SUPT4H1: variants seen among roughly 807,000 people sequenced by gnomAD.
SUPT4H1 encodes transcription elongation factor SPT4.
SUPT4H1 carries 12 observed loss-of-function variants against 19.4 expected under a neutral mutation model. The ratio of observed to expected loss-of-function variants is 0.62; its 90% CI spans 0.40 to 1.00. The LOEUF (loss-of-function observed/expected upper bound fraction) is 1.00, where lower values mean the gene tolerates loss of function less well. SUPT4H1 is among the 50% of genes least tolerant of loss of function. The pLI is 0.00. For missense variants in SUPT4H1, 115 were observed against 149.2 expected (o/e 0.77, Z 1.19); for synonymous variants, 58 against 56.3 (o/e 1.03, Z -0.14).
intron 1 of SUPT4H1, chr17:58,351,709 TC>T: frequency 1.7e-6 from 1 of 579,162 alleles, no homozygotes; most frequent in Non-Finnish European, 3.1e-6. Context: ...CGTTCCCAAT[TC>T]CGTTTTATCT....
chr17:58,348,934 A>ATCTTT (rs1972390396), intron 2 of SUPT4H1, among the ~76,000 whole-genome samples: 1 of 152,254 alleles, frequency 6.6e-6, no homozygotes, highest in African/African-American at 2.4e-5. Context: ...GGCCTTGAAT[A>ATCTTT]GGCATTTCTC....
At chr17:58,347,952 CA>C (rs1010227602) in intron 2 of SUPT4H1, among the ~76,000 whole-genome samples, 1 of 152,188 alleles carries the variant, frequency 6.6e-6, no homozygotes, top group Non-Finnish European at 1.5e-5. Flanking sequence ...TGAGTGAAAA[CA>C]ACGGATCCTC....
In SUPT4H1 at chr17:58,346,056, C is replaced by G; in HGVS notation, c.*190G>C. 1.8e-6 allele frequency: 1 copy of G among 561,456 alleles called. No homozygotes were observed. The highest frequency in any genetic ancestry group is 3.2e-6 in the Non-Finnish European group (1 of 312,952). 34.8% of individuals were successfully genotyped at this position (561,456 alleles called of 1,614,324 possible). A position where few individuals can be genotyped will look rare whatever the true frequency, so the allele number is the denominator to read the frequency against. ...AATTCCATCTGTTAATCCACCAACC[C>G]AAATCCCTCCCACCCCACCTGTAGT... is the stretch of plus-strand genomic sequence containing the variant. On this transcript the variant is annotated 3_prime_UTR_variant, in exon 5 of 5. Transcript: ENST00000225504.
rs761028956 is a variant in SUPT4H1 at position 58,351,473 on chromosome 17, A to G, written c.105T>C (p.Asn35=). The change falls in exon 2 of 5, where the codon AAT becomes AAC. Residue 35 remains asparagine, a synonymous_variant. Coordinates refer to ENST00000225504, the MANE Select transcript of SUPT4H1 (RefSeq NM_003168.3). ...IDQFEYDGCD[N]CDAYLQMKGN... ...CCTTCATTTGTAGATATGCATCACA[A>G]TTGTCACAACCATCATATTCAAACT... 1.9e-6 allele frequency: 3 copies of G among 1,614,080 alleles called. No individual in the cohort carries two copies. The highest frequency in any genetic ancestry group is 2.5e-6 in the Non-Finnish European group (3 of 1,179,934).
rs149143263 is a variant in SUPT4H1 at position 58,346,330 on chromosome 17, AAC to A, written c.287-19_287-18del. 1,530 of 1,612,932 alleles carry A rather than the reference AAC, an allele frequency of 9.5e-4. 17 individuals are homozygous for A. In the African/African-American group the frequency reaches 0.018, roughly 19 times the overall value. On this transcript the variant is annotated intron_variant, in intron 4 of 4. Transcript: ENST00000225504. Reference sequence around the variant, plus strand: ...GCACGATTCCTGAAGCAGGAAAAGAAACAGTTCTGTGAGGTAAGATTCAGAAG... The same window carrying A: ...GCACGATTCCTGAAGCAGGAAAAGAAAGTTCTGTGAGGTAAGATTCAGAAG...
intron 2 of SUPT4H1, 69 bp downstream of exon 2, chr17:58,351,333 C>T: frequency 9.2e-7 from 1 of 1,086,720 alleles, no homozygotes; most frequent in Non-Finnish European, 1.4e-6. Flanking sequence ...TAACACTTGC[C>T]CTGCATTTAC....
At chr17:58,348,925 G>A (rs897947673) in intron 2 of SUPT4H1, among the ~76,000 whole-genome samples, 5 of 152,152 alleles carry the variant, frequency 3.3e-5, no homozygotes, top group Non-Finnish European at 5.9e-5. Context: ...ATGAGCAAAG[G>A]CCTTGAATAG....
Position 58,345,925 on chromosome 17 carries a change from A to T in SUPT4H1, c.*321T>A. 1 of 256,578 alleles carries T rather than the reference A, an allele frequency of 3.9e-6. No homozygotes were observed. The highest frequency in any genetic ancestry group is 7.7e-6 in the Non-Finnish European group (1 of 130,358). The allele number at this position is 256,578 out of a possible 1,614,324, so 15.9% of individuals were successfully genotyped here. ...CAAGGCAGGTGTCATGGCCTTCAGA[A>T]CTTTCTCGAGGTTCATATTTATTGA... On this transcript the variant is annotated 3_prime_UTR_variant, in exon 5 of 5. Transcript: ENST00000225504.
At chr17:58,346,808 G>C (rs933859662) in intron 4 of SUPT4H1, among the ~76,000 whole-genome samples, 2 of 149,192 alleles carry the variant, frequency 1.3e-5, no homozygotes, top group Admixed American at 1.3e-4. Context: ...AGAAGAAAAA[G>C]AGGGATACAT....
At position 58,345,330 on chromosome 17, in the gene SUPT4H1, C is replaced by T. The variant is rs1045066459; in HGVS notation, c.*916G>A. Reference sequence around the variant, plus strand: ...ACTTAGGGAAATCAAAATGGGGATACGAACAGGATTTCTGTGGAAATTTAA... The same window carrying T: ...ACTTAGGGAAATCAAAATGGGGATATGAACAGGATTTCTGTGGAAATTTAA... On this transcript the variant is annotated 3_prime_UTR_variant, in exon 5 of 5. Coordinates refer to ENST00000225504, the MANE Select transcript of SUPT4H1 (RefSeq NM_003168.3). 2.5e-4 allele frequency: 38 copies of T among 151,970 alleles called. No homozygotes were observed. Among genetic ancestry groups the T allele is most frequent in the African/African-American group, 8.2e-4 (34 of 41,352 alleles). 9.4% of individuals were successfully genotyped at this position (151,970 alleles called of 1,614,324 possible). A position where few individuals can be genotyped will look rare whatever the true frequency, so the allele number is the denominator to read the frequency against.
chr17:58,349,275 C>T (rs1972400772), intron 2 of SUPT4H1, among the ~76,000 whole-genome samples: 1 of 152,246 alleles, frequency 6.6e-6, no homozygotes, highest in South Asian at 2.1e-4. Context: ...AAGTGACATG[C>T]ATTCAATAGA....
At chr17:58,351,268 A>C (rs969975024) in intron 2 of SUPT4H1, 134 bp downstream of exon 2, 7 of 609,820 alleles carry the variant, frequency 1.1e-5, no homozygotes, top group Non-Finnish European at 2.0e-5. Context: ...AAAAAAAAAA[A>C]AAAAAACCCA....
chr17:58,351,684 C>T (rs905697540), intron 1 of SUPT4H1, 176 bp from the exon 2 acceptor site: 5 of 586,018 alleles, frequency 8.5e-6, no homozygotes, highest in African/African-American at 5.7e-5. Context: ...CCCACCCTCC[C>T]ACTCCTTCCT....
At chr17:58,347,504 C>T (rs372624483) in intron 3 of SUPT4H1, 25 bp downstream of exon 3, 7 of 1,614,010 alleles carry the variant, frequency 4.3e-6, no homozygotes, top group Non-Finnish European at 5.9e-6. Context: ...ACAACTAAGC[C>T]AAAAGGAGAC....
chr17:58,347,277 A>C, intron 3 of SUPT4H1, 36 bp from the exon 4 acceptor site: 3 of 1,609,304 alleles, frequency 1.9e-6, no homozygotes, highest in Non-Finnish European at 2.6e-6. Flanking sequence ...GATTACAGTG[A>C]AGTTAGTTAA....
At chr17:58,347,359 G>T in intron 3 of SUPT4H1, 118 bp from the exon 4 acceptor site, 1 of 1,352,848 alleles carries the variant, frequency 7.4e-7, no homozygotes, top group South Asian at 1.2e-5. Flanking sequence ...TCCCTCTTTT[G>T]GCTACAAGTG....
In SUPT4H1 at chr17:58,352,116, G is replaced by A. The variant is rs1404227959; in HGVS notation, c.20C>T (p.Pro7Leu). Residue 7 changes from proline to leucine, a missense_variant, in exon 1 of 5, where the codon CCG becomes CTG. By Grantham distance (98) the Pro-to-Leu change is moderately conservative. Transcript: ENST00000225504. Reference sequence around the variant, plus strand: ...GGCCCGCAGATGCCGCAGGTCCTTCGGCACCGTCTCCAGGGCCATCTTCGC... The same window carrying A: ...GGCCCGCAGATGCCGCAGGTCCTTCAGCACCGTCTCCAGGGCCATCTTCGC... MALETV[P>L]KDLRHLRACL... 3 of 1,614,124 alleles carry A rather than the reference G, an allele frequency of 1.9e-6. No homozygotes were observed. Among genetic ancestry groups the A allele is most frequent in the Middle Eastern group, 1.6e-4 (1 of 6,062 alleles).
intron 2 of SUPT4H1, among the ~76,000 whole-genome samples, chr17:58,349,446 G>C (rs1211481837): frequency 6.6e-6 from 1 of 152,238 alleles, no homozygotes; most frequent in Admixed American, 6.5e-5. Flanking sequence ...ATTATATTCA[G>C]TAGGTTGGGT....
intron 2 of SUPT4H1, among the ~76,000 whole-genome samples, chr17:58,349,813 A>G (rs1278282667): frequency 6.6e-6 from 1 of 152,186 alleles, no homozygotes; most frequent in Non-Finnish European, 1.5e-5. Flanking sequence ...ATAGGTACCT[A>G]AGGGTGCCTA....
Sources: gnomAD v4.1 joint callset for allele counts (sites outside exome capture counted in the v4.1 genomes callset) on GRCh38, gnomAD v4.1.1 for gene constraint, MANE v1.5 for transcripts, NCBI Gene and HGNC (gene_info 2026-07-23, HGNC 2026-07-21) for gene names.